SETD2: variants seen among roughly 807,000 people sequenced by gnomAD.
SETD2 encodes SET domain containing 2, histone lysine methyltransferase.
SETD2 carries 31 observed loss-of-function variants against 242.1 expected under a neutral mutation model. The ratio of observed to expected loss-of-function variants is 0.13; its 90% CI spans 0.10 to 0.17. The LOEUF (loss-of-function observed/expected upper bound fraction) is 0.17. SETD2 is among the 10% of genes least tolerant of loss of function. The pLI, the probability that SETD2 is intolerant of heterozygous loss-of-function variation, is 1.00. For synonymous variants in SETD2, 1,006 were observed against 1,066.5 expected (o/e 0.94, Z 1.11); for missense variants, 2,481 against 3,046.3 (o/e 0.81, Z 4.37).
chr3:47,085,635 T>C (rs779748377), intron 11 of SETD2, among the ~76,000 whole-genome samples: 8 of 152,250 alleles, frequency 5.3e-5, no homozygotes, highest in Non-Finnish European at 1.0e-4. Context: ...AAAAGTGTTT[T>C]ATTAAATAAA....
At chr3:47,088,034 T>G in intron 10 of SETD2, 79 bp downstream of exon 10, 1 of 1,369,372 alleles carries the variant, frequency 7.3e-7, no homozygotes, top group Non-Finnish European at 1.0e-6. Flanking sequence ...CTTATCAGAA[T>G]TATTCCTTCT....
intron 18 of SETD2, among the ~76,000 whole-genome samples, chr3:47,025,611 A>T (rs563146773): frequency 6.6e-6 from 1 of 152,132 alleles, no homozygotes. Flanking sequence ...TCACCAAACC[A>T]AATTATTTTT....
chr3:47,087,451 G>A (rs901325142), intron 10 of SETD2, among the ~76,000 whole-genome samples: 15 of 152,044 alleles, frequency 9.9e-5, no homozygotes, highest in African/African-American at 2.4e-4. Context: ...AATAGGGTTC[G>A]TGCTCCTATG....
intron 15 of SETD2, among the ~76,000 whole-genome samples, chr3:47,048,689 A>ACCCT (rs1423276306): frequency 6.6e-6 from 1 of 151,780 alleles, no homozygotes. Context: ...TGTATAAACA[A>ACCCT]CCCTCCTCCC....
At chr3:47,091,127 T>C (rs1453441922) in intron 9 of SETD2, among the ~76,000 whole-genome samples, 1 of 152,172 alleles carries the variant, frequency 6.6e-6, no homozygotes, top group Non-Finnish European at 1.5e-5. Flanking sequence ...GAAAAACCAA[T>C]TTAAAGTTGT....
At chr3:47,019,967 T>G (rs2038146879) in intron 18 of SETD2, 127 bp from the exon 19 acceptor site, 1 of 763,984 alleles carries the variant, frequency 1.3e-6, no homozygotes, top group Non-Finnish European at 2.2e-6. Context: ...AGAATCCGTT[T>G]AGAGGCCCTG....
chr3:47,024,970 G>A (rs995648853), intron 18 of SETD2, among the ~76,000 whole-genome samples: 2 of 152,146 alleles, frequency 1.3e-5, no homozygotes, highest in African/African-American at 4.8e-5. Context: ...GTCTCACAAT[G>A]TTTAGTCTCA....
intron 1 of SETD2, among the ~76,000 whole-genome samples, chr3:47,150,307 G>A (rs769429540): frequency 5.3e-5 from 8 of 151,880 alleles, no homozygotes; most frequent in Non-Finnish European, 1.0e-4. Context: ...CAAAGTGCTG[G>A]GATTACAAGA....
intron 1 of SETD2, among the ~76,000 whole-genome samples, chr3:47,151,467 G>T (rs2043981589): frequency 6.6e-6 from 1 of 151,982 alleles, no homozygotes; most frequent in African/African-American, 2.4e-5. Context: ...CGCACAACTG[G>T]AAAAAAAGTC....
At chr3:47,039,785 A>G (rs1361006149) in intron 17 of SETD2, among the ~76,000 whole-genome samples, 1 of 146,440 alleles carries the variant, frequency 6.8e-6, no homozygotes, top group Non-Finnish European at 1.5e-5. Context: ...GGAAGCTGAG[A>G]GGCAGGAGAA....
rs1273240614 is a variant in SETD2, at chr3:47,124,151, G to T, written c.485C>A (p.Ala162Glu). ...TSRPLLATTT[A>E]VASPPTHAAP... The stretch of plus-strand genomic sequence containing the variant: ...TGCATGAGTAGGTGGAGATGCTACT[G>T]CTGTGGTAGTAGCCAGCAGTGGCCT... The change falls in exon 3 of 21, where the codon GCA becomes GAA. Residue 162 changes from alanine (A) to glutamate (E), a missense_variant. Transcript: ENST00000409792. The T allele has an allele frequency of 6.4e-7, 1 of 1,551,688 alleles. No homozygotes were observed. The highest frequency in any genetic ancestry group is 8.7e-7 in the Non-Finnish European group (1 of 1,146,932).
At chr3:47,116,477 A>G (rs1459916981) in intron 4 of SETD2, 146 bp downstream of exon 4, 3 of 664,722 alleles carry the variant, frequency 4.5e-6, no homozygotes, top group African/African-American at 1.8e-5. Context: ...GTTTTCTACT[A>G]TACATCAAAG....
intron 1 of SETD2, among the ~76,000 whole-genome samples, chr3:47,154,184 G>A (rs2044069373): frequency 6.6e-6 from 1 of 152,114 alleles, no homozygotes; most frequent in Non-Finnish European, 1.5e-5. Context: ...GCCAAGGAGG[G>A]CGGATCATGA....
At position 47,121,946 on chromosome 3, in the gene SETD2, A is replaced by G. The variant is rs1161810683; in HGVS notation, c.2690T>C (p.Leu897Pro). ...PPGIKVDSLTLLKCGENTSPV... is the reference protein window; with the variant it reads ...PPGIKVDSLTPLKCGENTSPV... ...AGATGTGTTCTCTCCGCATTTCAAG[A>G]GAGTTAGACTGTCCACCTTTATTCC... Residue 897 changes from leucine to proline, a missense_variant, in exon 3 of 21, where the codon CTC (leucine) becomes CCC (proline). Around this residue, in one of 17 missense-constraint regions of SETD2, gnomAD observed 1,300 missense variants for 1,259.2 expected, o/e 1.03. Coordinates refer to ENST00000409792, the MANE Select transcript of SETD2 (RefSeq NM_014159.7). 6.2e-7 allele frequency: 1 copy of G among 1,614,044 alleles called. No individual in the cohort carries two copies. The highest frequency in any genetic ancestry group is 1.1e-5 in the South Asian group (1 of 91,078).
At chr3:47,154,139 G>A (rs750083795) in intron 1 of SETD2, among the ~76,000 whole-genome samples, 9 of 152,142 alleles carry the variant, frequency 5.9e-5, no homozygotes, top group Admixed American at 1.3e-4. Flanking sequence ...GGCCAGGCGC[G>A]ATGGCTCACA....
At chr3:47,039,227 TA>T (rs2039162706) in intron 17 of SETD2, among the ~76,000 whole-genome samples, 1 of 151,826 alleles carries the variant, frequency 6.6e-6, no homozygotes, top group African/African-American at 2.4e-5. Context: ...TTTTTTTTTT[TA>T]TTCTGATATG....
At chr3:47,145,267 C>A (rs558969366) in intron 1 of SETD2, among the ~76,000 whole-genome samples, 2 of 152,170 alleles carry the variant, frequency 1.3e-5, no homozygotes, top group South Asian at 2.1e-4. Context: ...TATCTTGGAC[C>A]CAAGTCTACA....
At chr3:47,141,022 G>T (rs1241413893) in intron 1 of SETD2, among the ~76,000 whole-genome samples, 1 of 151,872 alleles carries the variant, frequency 6.6e-6, no homozygotes, top group African/African-American at 2.4e-5. Flanking sequence ...TGTGAGACAG[G>T]ATCTCACTGC....
At chr3:47,059,002 G>T (rs1231667760) in intron 14 of SETD2, among the ~76,000 whole-genome samples, 1 of 151,476 alleles carries the variant, frequency 6.6e-6, no homozygotes, top group Admixed American at 6.6e-5. Flanking sequence ...GTAGAGACAG[G>T]GTTTCACAGT....
Sources: allele counts gnomAD v4.1 joint callset (sites outside exome capture counted in the v4.1 genomes callset), GRCh38; gene constraint gnomAD v4.1.1; regional missense constraint gnomAD v4.1.1; transcripts MANE v1.5; gene names NCBI Gene and HGNC (gene_info 2026-07-23, HGNC 2026-07-21).